CDH2: variants seen among roughly 807,000 people sequenced by gnomAD.
The protein encoded by CDH2 is cadherin 2.
A neutral mutation model predicts 92.0 loss-of-function variants in CDH2; 17 were observed. The observed-to-expected ratio is 0.18, with a 90% CI of 0.13 to 0.28. CDH2 has a LOEUF of 0.28. Among genes scored for constraint, CDH2 ranks in the 10% least tolerant of loss-of-function variants. The probability of loss-of-function intolerance (pLI) is 1.00; values close to 1 mark genes in which losing one functional copy is unlikely to be tolerated. For synonymous variants in CDH2, 419 were observed against 415.9 expected, an observed-to-expected ratio of 1.01 and a Z score of -0.09; for missense variants, 862 against 1,133.1, an observed-to-expected ratio of 0.76 and a Z score of 3.44.
chr18:28,014,858 A>T (rs17522555), intron 2 of CDH2, among the ~76,000 whole-genome samples: 1 of 152,196 alleles, frequency 6.6e-6, no homozygotes, highest in Admixed American at 6.5e-5. Flanking sequence ...TAATAAAAAC[A>T]AAAATATTCT....
In CDH2 at chr18:28,094,698, G is replaced by T. The variant is rs543249905; in HGVS notation, c.172+52975C>A. On this transcript the variant is annotated intron_variant, in intron 2 of 15. Coordinates refer to ENST00000269141, the MANE Select transcript of CDH2 (RefSeq NM_001792.5). The stretch of plus-strand genomic sequence containing the variant: ...AGTCCCAGCTACTCAGGAGGCTGAG[G>T]CAGGAGAATGGCGTGAACCCGGGAA... 6.4e-4 allele frequency among the ~76,000 whole-genome samples: 97 copies of T among 150,476 alleles called. 1 individual carries two copies. The highest frequency in any genetic ancestry group is 2.3e-3 in the African/African-American group (96 of 40,914).
chr18:27,961,289 A>G (rs2011396913), intron 15 of CDH2, among the ~76,000 whole-genome samples: 1 of 151,490 alleles, frequency 6.6e-6, no homozygotes, highest in Admixed American at 6.6e-5. Flanking sequence ...TTAAGTTATA[A>G]AAACATGAAC....
chr18:27,989,305 TAACCA>T (rs2012335068), intron 10 of CDH2, among the ~76,000 whole-genome samples: 1 of 152,212 alleles, frequency 6.6e-6, no homozygotes, highest in African/African-American at 2.4e-5. Flanking sequence ...AAAGATTAGA[TAACCA>T]GTTGGATTGG....
chr18:28,127,444 G>T (rs1167991132), intron 2 of CDH2, among the ~76,000 whole-genome samples: 1 of 152,190 alleles, frequency 6.6e-6, no homozygotes, highest in African/African-American at 2.4e-5. Flanking sequence ...GCAGCCATAA[G>T]CGCAAGGCCC....
intron 2 of CDH2, among the ~76,000 whole-genome samples, chr18:28,087,022 G>T (rs1455084146): frequency 1.3e-5 from 2 of 152,150 alleles, no homozygotes; most frequent in Non-Finnish European, 2.9e-5. Flanking sequence ...GTTATGCCCA[G>T]AGTGACTGAA....
chr18:28,073,078 T>C (rs2014651422), intron 2 of CDH2, among the ~76,000 whole-genome samples: 1 of 152,128 alleles, frequency 6.6e-6, no homozygotes, highest in Non-Finnish European at 1.5e-5. Flanking sequence ...ATTTTATAGA[T>C]GCACATAATA....
At chr18:27,975,504 A>G (rs1199659972) in intron 14 of CDH2, among the ~76,000 whole-genome samples, 1 of 152,196 alleles carries the variant, frequency 6.6e-6, no homozygotes, top group Non-Finnish European at 1.5e-5. Context: ...TGAGCACGGG[A>G]ACCAGCCGGC....
intron 7 of CDH2, among the ~76,000 whole-genome samples, chr18:27,995,313 C>CAAAAAAAAA (rs34313496): frequency 1.2e-5 from 1 of 80,262 alleles, no homozygotes; most frequent in African/African-American, 4.9e-5. Context: ...GACTCCATCT[C>CAAAAAAAAA]AAAAAAAAAA....
In CDH2 at chr18:27,951,151, C is replaced by T. The variant is rs17467892; in HGVS notation, c.*1002G>A. On this transcript the variant is annotated 3_prime_UTR_variant, in exon 16 of 16. Coordinates refer to ENST00000269141, the MANE Select transcript of CDH2 (RefSeq NM_001792.5). ...GCCACCAGTGTCAGGCCACCCCTTT[C>T]TTTCCTTTCCTTTTTTTTTTTTTTT... is the stretch of plus-strand genomic sequence containing the variant. 1 of 85,604 alleles carries T rather than the reference C, an allele frequency of 1.2e-5. No individual in the cohort carries two copies. 5.3% of individuals were successfully genotyped at this position (85,604 alleles called of 1,614,324 possible).
chr18:27,957,118 TTA>T (rs2011267506), intron 15 of CDH2, among the ~76,000 whole-genome samples: 2 of 35,086 alleles, frequency 5.7e-5, no homozygotes, highest in Non-Finnish European at 7.9e-5. Context: ...TTTTATCTGA[TTA>T]ATATCCATCC....
At chr18:27,975,074 C>T (rs1303560783) in intron 14 of CDH2, among the ~76,000 whole-genome samples, 1 of 152,182 alleles carries the variant, frequency 6.6e-6, no homozygotes, top group Non-Finnish European at 1.5e-5. Flanking sequence ...AGAATTCAGG[C>T]AGAGTGTTCT....
intron 1 of CDH2, among the ~76,000 whole-genome samples, chr18:28,174,592 G>C (rs1447986944): frequency 2.6e-5 from 4 of 152,150 alleles, no homozygotes; most frequent in African/African-American, 9.7e-5. Context: ...AACTGAGAAA[G>C]AACATACAAT....
chr18:28,062,982 C>T (rs2014433714), intron 2 of CDH2, among the ~76,000 whole-genome samples: 1 of 152,016 alleles, frequency 6.6e-6, no homozygotes, highest in African/African-American at 2.4e-5. Flanking sequence ...CAGAAACACA[C>T]ATTTCATAAA....
At chr18:28,117,167 C>T (rs1475197109) in intron 2 of CDH2, among the ~76,000 whole-genome samples, 1 of 152,014 alleles carries the variant, frequency 6.6e-6, no homozygotes, top group African/African-American at 2.4e-5. Context: ...CCATGGCACA[C>T]AAAAAGGCAT....
At chr18:28,166,149 C>CACATATATATATATATATAT (rs2016376891) in intron 1 of CDH2, among the ~76,000 whole-genome samples, 1 of 59,292 alleles carries the variant, frequency 1.7e-5, no homozygotes, top group African/African-American at 7.5e-5. Flanking sequence ...CAGACACACT[C>CACATATATATATATATATAT]ATATATATAT....
intron 6 of CDH2, among the ~76,000 whole-genome samples, chr18:27,943,862 T>C (rs992622302): frequency 1.3e-5 from 2 of 152,192 alleles, no homozygotes; most frequent in Non-Finnish European, 2.9e-5. Context: ...GATTTAGTTT[T>C]ATTTATTCCA....
At chr18:28,143,824 A>C (rs1160529925) in intron 2 of CDH2, among the ~76,000 whole-genome samples, 1 of 152,104 alleles carries the variant, frequency 6.6e-6, no homozygotes, top group African/African-American at 2.4e-5. Flanking sequence ...CCATAAAAAA[A>C]GAATGAGATC....
intron 2 of CDH2, among the ~76,000 whole-genome samples, chr18:28,069,639 G>A (rs1339620567): frequency 6.6e-6 from 1 of 152,136 alleles, no homozygotes; most frequent in Non-Finnish European, 1.5e-5. Context: ...TCAGGATGCA[G>A]TCCTTGGGCT....
At chr18:27,991,903 T>C (rs1022556654) in intron 9 of CDH2, among the ~76,000 whole-genome samples, 13 of 152,204 alleles carry the variant, frequency 8.5e-5, no homozygotes, top group African/African-American at 3.1e-4. Context: ...CTTTACTGGG[T>C]GGCTAAAAGG....
Sources: gnomAD v4.1 joint callset for allele counts (sites outside exome capture counted in the v4.1 genomes callset) on GRCh38, gnomAD v4.1.1 for gene constraint, MANE v1.5 for transcripts, NCBI Gene and HGNC (gene_info 2026-07-23, HGNC 2026-07-21) for gene names.